Variants in AGBL1 observed in about 807,000 individuals in gnomAD.
The protein encoded by AGBL1 is AGBL carboxypeptidase 1.
In AGBL1, 130 loss-of-function variants were observed where a neutral mutation model predicts 118.9. The ratio of observed to expected loss-of-function variants is 1.09; its 90% CI spans 0.95 to 1.26. AGBL1 has a LOEUF of 1.26. AGBL1 is among the 50% of genes most tolerant of loss of function. The pLI is 0.00. For missense variants in AGBL1, 1,584 were observed against 1,298.1 expected, an observed-to-expected ratio of 1.22 and a Z score of -3.38; for synonymous variants, 555 against 478.9, an observed-to-expected ratio of 1.16 and a Z score of -2.08.
chr15:87,009,209 A>G (rs61155036), intron 24 of AGBL1, among the ~76,000 whole-genome samples: 15,050 of 152,104 alleles, frequency 0.099, 1,329 homozygotes, highest in African/African-American at 0.23. Context: ...CAGGGTCCCT[A>G]TGCTATGTGC....
chr15:86,760,198 G>T (rs879918345), intron 22 of AGBL1, among the ~76,000 whole-genome samples: 2 of 151,932 alleles, frequency 1.3e-5, no homozygotes, highest in Non-Finnish European at 2.9e-5. Flanking sequence ...TTTCTTCCCG[G>T]GCTGGGAGAA....
At chr15:86,151,291 A>T (rs181787166) in intron 3 of AGBL1, among the ~76,000 whole-genome samples, 3 of 140,538 alleles carry the variant, frequency 2.1e-5, no homozygotes, top group Middle Eastern at 3.8e-3. Flanking sequence ...CCTAAAACTT[A>T]AAGTGTAATT....
At chr15:86,183,829 T>C (rs2141803411) in intron 5 of AGBL1, among the ~76,000 whole-genome samples, 1 of 152,276 alleles carries the variant, frequency 6.6e-6, no homozygotes, top group Non-Finnish European at 1.5e-5. Flanking sequence ...CGAAATTAAA[T>C]AATTAAACTA....
intron 18 of AGBL1, among the ~76,000 whole-genome samples, chr15:86,433,229 TCTCCTCCTCCTTCTC>T (rs957662516): frequency 2.0e-5 from 3 of 146,406 alleles, no homozygotes; most frequent in African/African-American, 7.5e-5. Flanking sequence ...TTCTTCTTCT[TCTCCTCCTCCTTCTC>T]CTCCTCCTCC....
intron 19 of AGBL1, among the ~76,000 whole-genome samples, chr15:86,523,819 A>G (rs2083223714): frequency 6.6e-6 from 1 of 152,194 alleles, no homozygotes; most frequent in African/African-American, 2.4e-5. Flanking sequence ...AAACCAGAGG[A>G]CTTGGCTCAA....
chr15:86,775,649 A>G (rs1238195202), intron 22 of AGBL1, among the ~76,000 whole-genome samples: 1 of 152,170 alleles, frequency 6.6e-6, no homozygotes, highest in Non-Finnish European at 1.5e-5. Flanking sequence ...TTTAAAATTT[A>G]TACTTGGACC....
At chr15:86,269,794 C>T (rs1471023321) in intron 13 of AGBL1, 125 bp from the exon 14 acceptor site, 1 of 1,114,214 alleles carries the variant, frequency 9.0e-7, no homozygotes. Flanking sequence ...GTATAACTTA[C>T]CAGCTGGCTG....
intron 23 of AGBL1, among the ~76,000 whole-genome samples, chr15:86,965,972 T>G (rs999530228): frequency 6.6e-6 from 1 of 152,114 alleles, no homozygotes; most frequent in Non-Finnish European, 1.5e-5. Flanking sequence ...CTGTACGTTC[T>G]GCACATGTAC....
chr15:86,557,020 G>C (rs1232614772), intron 21 of AGBL1, among the ~76,000 whole-genome samples: 1 of 152,148 alleles, frequency 6.6e-6, no homozygotes, highest in African/African-American at 2.4e-5. Context: ...TTAAAATAAT[G>C]ATTATTAATA....
chr15:86,356,284 A>C (rs74027516), intron 17 of AGBL1, among the ~76,000 whole-genome samples: 3,181 of 152,244 alleles, frequency 0.021, 111 homozygotes, highest in African/African-American at 0.074. Context: ...ACTTTATTGT[A>C]AGTAGAATAA....
chr15:86,530,810 C>A (rs1214522445), intron 19 of AGBL1, among the ~76,000 whole-genome samples: 7 of 123,926 alleles, frequency 5.6e-5, no homozygotes, highest in South Asian at 3.0e-4. Flanking sequence ...GAATCTCACT[C>A]AAAGCCGCTC....
At chr15:86,180,739 A>G (rs2141789520) in intron 5 of AGBL1, among the ~76,000 whole-genome samples, 1 of 152,240 alleles carries the variant, frequency 6.6e-6, no homozygotes, top group East Asian at 1.9e-4. Flanking sequence ...GACACAGGCT[A>G]CACACTGGGA....
At position 86,914,932 on chromosome 15, in the gene AGBL1, G is replaced by C. The variant is rs908956908; in HGVS notation, c.*7638G>C. 6.6e-6 allele frequency: 1 copy of C among 152,112 alleles called. No homozygotes were observed. The highest frequency in any genetic ancestry group is 1.5e-5 in the Non-Finnish European group (1 of 68,036). The allele number at this position is 152,112 out of a possible 1,614,324, so 9.4% of individuals were successfully genotyped here. On this transcript the variant is annotated 3_prime_UTR_variant, in exon 23 of 23. Transcript: ENST00000614907. ...TTCCTGCTCCTTTTCAAACTCAACA[G>C]GTTCAAAGTCAAAATCTCCTCCCAA...
intron 22 of AGBL1, among the ~76,000 whole-genome samples, chr15:86,687,044 C>A (rs1286367086): frequency 1.3e-5 from 2 of 152,178 alleles, no homozygotes; most frequent in East Asian, 3.9e-4. Context: ...CTTATCCTTG[C>A]ACCGGTCAGG....
At chr15:86,835,251 C>T (rs145455098) in intron 22 of AGBL1, among the ~76,000 whole-genome samples, 1 of 151,710 alleles carries the variant, frequency 6.6e-6, no homozygotes, top group East Asian at 1.9e-4. Flanking sequence ...GTCTTTCACA[C>T]CTAGATCAGC....
intron 23 of AGBL1, among the ~76,000 whole-genome samples, chr15:86,974,561 T>TATAA (rs2081152620): frequency 7.4e-6 from 1 of 134,918 alleles, no homozygotes; most frequent in African/African-American, 2.9e-5. Context: ...TTATATAATA[T>TATAA]AAATTATATA....
At chr15:86,677,926 C>T (rs1415543323) in intron 22 of AGBL1, among the ~76,000 whole-genome samples, 1 of 152,176 alleles carries the variant, frequency 6.6e-6, no homozygotes, top group Non-Finnish European at 1.5e-5. Context: ...CCTGTCTCAG[C>T]ATCCAGATAA....
intron 5 of AGBL1, among the ~76,000 whole-genome samples, chr15:86,168,241 G>A (rs151277834): frequency 1.7e-3 from 255 of 152,256 alleles, no homozygotes; most frequent in African/African-American, 6.0e-3. Context: ...GGATATTTAA[G>A]AGGGAGGGTT....
intron 22 of AGBL1, among the ~76,000 whole-genome samples, chr15:86,743,767 G>T (rs1015237766): frequency 6.6e-6 from 1 of 151,994 alleles, no homozygotes; most frequent in Admixed American, 6.6e-5. Flanking sequence ...TAGCAATATT[G>T]GAAAGGTTAT....
Sources: allele counts gnomAD v4.1 joint callset (sites outside exome capture counted in the v4.1 genomes callset), GRCh38; gene constraint gnomAD v4.1.1; transcripts MANE v1.5; gene names NCBI Gene and HGNC (gene_info 2026-07-23, HGNC 2026-07-21).